WLS: variants seen among roughly 807,000 people sequenced by gnomAD.
The protein encoded by WLS is protein wntless homolog.
Under a neutral mutation model 62.8 loss-of-function variants are expected in WLS, and 23 were observed. The observed-to-expected ratio is 0.37, with a 90% CI of 0.26 to 0.52. The LOEUF is 0.52. Among genes scored for constraint, WLS ranks in the 20% least tolerant of loss-of-function variants. WLS has a pLI of 0.92. For missense variants in WLS, 615 were observed against 697.3 expected, an observed-to-expected ratio of 0.88 and a Z score of 1.33; for synonymous variants, 246 against 244.1, an observed-to-expected ratio of 1.01 and a Z score of -0.07.
chr1:68,164,439 G>A (rs1283992878), intron 2 of WLS, among the ~76,000 whole-genome samples: 3 of 152,016 alleles, frequency 2.0e-5, no homozygotes, highest in African/African-American at 7.2e-5. Flanking sequence ...TGTATTTTTA[G>A]CAGAGTCAGG....
At chr1:68,123,095 G>A (rs1420780583), downstream of WLS, among the ~76,000 whole-genome samples, 3 of 151,854 alleles carry the variant, frequency 2.0e-5, no homozygotes, top group African/African-American at 2.4e-5. Flanking sequence ...ACTTCCCTGC[G>A]GACTAAAAAA....
chr1:68,144,733 T>A, intron 9 of WLS, 81 bp from the exon 10 acceptor site: 1 of 1,184,164 alleles, frequency 8.4e-7, no homozygotes. Flanking sequence ...AAAAGCTTAA[T>A]TTTAAAGAAA....
At chr1:68,163,892 A>G (rs1427660418) in intron 2 of WLS, among the ~76,000 whole-genome samples, 3 of 152,304 alleles carry the variant, frequency 2.0e-5, no homozygotes, top group African/African-American at 4.8e-5. Flanking sequence ...CTGAACACAT[A>G]CAAATCACAA....
intron 2 of WLS, among the ~76,000 whole-genome samples, chr1:68,182,079 C>T (rs547847762): frequency 1.3e-5 from 2 of 152,292 alleles, no homozygotes; most frequent in East Asian, 3.9e-4. Flanking sequence ...ACACAATCTA[C>T]TCAACAATGT....
At chr1:68,110,140 G>A (rs1055286205) in intron 11 of WLS, among the ~76,000 whole-genome samples, 1 of 151,130 alleles carries the variant, frequency 6.6e-6, no homozygotes, top group East Asian at 2.0e-4. Context: ...GTAAGATTGA[G>A]AAAAGTGAAG....
intron 11 of WLS, among the ~76,000 whole-genome samples, chr1:68,118,872 T>C (rs1646328477): frequency 3.0e-5 from 1 of 33,392 alleles, no homozygotes; most frequent in Admixed American, 4.5e-4. Context: ...CAAGACTCTG[T>C]CTCAAAAAAA....
At chr1:68,154,748 C>T (rs1259978143) in intron 4 of WLS, among the ~76,000 whole-genome samples, 1 of 152,146 alleles carries the variant, frequency 6.6e-6, no homozygotes, top group Non-Finnish European at 1.5e-5. Context: ...GAACCTAAAC[C>T]ACCCCTATTC....
chr1:68,118,868 T>C (rs1384005466), intron 11 of WLS, among the ~76,000 whole-genome samples: 1 of 45,852 alleles, frequency 2.2e-5, no homozygotes, highest in African/African-American at 7.4e-5. Flanking sequence ...CGAGCAAGAC[T>C]CTGTCTCAAA....
At chr1:68,231,757 C>T in intron 1 of WLS, 1 of 468,318 alleles carries the variant, frequency 2.1e-6, no homozygotes, top group Non-Finnish European at 4.2e-6. Context: ...GGGCACAGTT[C>T]CCCGACTCTT....
At chr1:68,124,978 TAA>T (rs1166083618), downstream of WLS, among the ~76,000 whole-genome samples, 1 of 152,204 alleles carries the variant, frequency 6.6e-6, no homozygotes, top group Non-Finnish European at 1.5e-5. Flanking sequence ...TTTATCGATA[TAA>T]GTGAGGAAAT....
intron 5 of WLS, among the ~76,000 whole-genome samples, chr1:68,153,147 C>A (rs1389115212): frequency 3.3e-5 from 5 of 152,064 alleles, no homozygotes; most frequent in African/African-American, 1.2e-4. Flanking sequence ...GGGAAGCATA[C>A]ACCTGTGGTT....
intron 11 of WLS, among the ~76,000 whole-genome samples, chr1:68,114,253 A>G (rs183601944): frequency 9.1e-4 from 139 of 152,212 alleles, no homozygotes; most frequent in Non-Finnish European, 1.6e-3. Context: ...AGATAGAGGG[A>G]CTCGGAGACT....
At chr1:68,138,058 A>C in intron 10 of WLS, 125 bp from the exon 11 acceptor site, 1 of 1,048,140 alleles carries the variant, frequency 9.5e-7, no homozygotes, top group South Asian at 1.6e-5. Flanking sequence ...ATGAAGGGCC[A>C]TGTAAGACTC....
chr1:68,162,116 T>C, intron 2 of WLS: 2 of 1,548,414 alleles, frequency 1.3e-6, no homozygotes, highest in Non-Finnish European at 1.8e-6. Flanking sequence ...GCCTGCTTGC[T>C]GTACCAGGCA....
intron 1 of WLS, among the ~76,000 whole-genome samples, chr1:68,205,799 C>T (rs1415910396): frequency 6.6e-6 from 1 of 152,218 alleles, no homozygotes; most frequent in Admixed American, 6.5e-5. Context: ...AAAACAGGCT[C>T]AGACAGAAAC....
chr1:68,152,267 G>A (rs1646836615), intron 5 of WLS, among the ~76,000 whole-genome samples: 1 of 152,210 alleles, frequency 6.6e-6, no homozygotes, highest in Non-Finnish European at 1.5e-5. Flanking sequence ...GAGAGGCTGA[G>A]GCTAAAGATA....
In WLS at chr1:68,137,876, A is replaced by C; in HGVS notation, c.1420T>G (p.Phe474Val). 6.2e-7 allele frequency: 1 copy of C among 1,614,032 alleles called. No homozygotes were observed. Among genetic ancestry groups the C allele is most frequent in the Non-Finnish European group, 8.5e-7 (1 of 1,179,914 alleles). The change falls in exon 11 of 12, where the codon TTC (phenylalanine) becomes GTC (valine). Residue 474 changes from phenylalanine to valine, a missense_variant. Phe to Val is a conservative substitution (Grantham distance 50, BLOSUM62 -1). Coordinates refer to ENST00000262348, the MANE Select transcript of WLS (RefSeq NM_024911.7). Reference protein sequence around the residue: ...GVTVQVNSAFFTGIYGMWNLY... With the variant: ...GVTVQVNSAFVTGIYGMWNLY... The stretch of plus-strand genomic sequence containing the variant: ...TTCCACATCCCATAGATGCCTGTGA[A>C]AAAGGCACTGTTCACTTGGACTGTG...
At chr1:68,116,537 GCT>G (rs1367382536) in intron 11 of WLS, among the ~76,000 whole-genome samples, 1 of 152,170 alleles carries the variant, frequency 6.6e-6, no homozygotes. Context: ...AATCACCCAA[GCT>G]CTCTGTGCCA....
chr1:68,186,021 C>A (rs1480655016), intron 2 of WLS, among the ~76,000 whole-genome samples: 1 of 152,208 alleles, frequency 6.6e-6, no homozygotes. Context: ...GAGTCCCCAG[C>A]CATCAGTTGA....
Sources: allele counts gnomAD v4.1 joint callset (sites outside exome capture counted in the v4.1 genomes callset), GRCh38; gene constraint gnomAD v4.1.1; transcripts MANE v1.5; gene names NCBI Gene and HGNC (gene_info 2026-07-23, HGNC 2026-07-21).